Variants in FBXL20 observed in about 807,000 individuals in gnomAD.
FBXL20 encodes the protein F-box and leucine rich repeat protein 20.
FBXL20 carries 11 observed loss-of-function variants against 64.0 expected under a neutral mutation model. The observed-to-expected ratio is 0.17, with a 90% confidence interval of 0.11 to 0.28. The LOEUF is 0.28. Ranked by LOEUF, FBXL20 falls within the 10% of genes least tolerant of loss-of-function variation. The pLI, the probability that FBXL20 is intolerant of heterozygous loss-of-function variation, is 1.00. For synonymous variants in FBXL20, 184 were observed against 189.0 expected, an observed-to-expected ratio of 0.97 and a Z score of 0.22; for missense variants, 303 against 526.2, an observed-to-expected ratio of 0.58 and a Z score of 4.15.
chr17:39,345,818 G>A lies in FBXL20; in HGVS notation c.43-2577C>T, dbSNP rs1319527395. Among the ~76,000 whole-genome samples, 4 of 152,250 alleles carry A rather than the reference G, an allele frequency of 2.6e-5. No homozygotes were observed. In the East Asian group the frequency reaches 7.7e-4, roughly 29 times the overall value. On this transcript the variant is annotated intron_variant, in intron 1 of 14. Coordinates refer to ENST00000264658, the MANE Select transcript of FBXL20 (RefSeq NM_032875.3). ...AGTGTCCCAAAGTGCTAAGATTACA[G>A]GTGTGAGCTACCACACCTGGCCTAA...
chr17:39,381,225 C>T (rs928584746), intron 1 of FBXL20, among the ~76,000 whole-genome samples: 10 of 151,426 alleles, frequency 6.6e-5, no homozygotes, highest in African/African-American at 2.4e-4. Context: ...CATGCAATTC[C>T]AGCACTTTGG....
chr17:39,274,209 CCTAA>C (rs2046871394), intron 10 of FBXL20, among the ~76,000 whole-genome samples: 1 of 152,120 alleles, frequency 6.6e-6, no homozygotes, highest in African/African-American at 2.4e-5. Flanking sequence ...TAAAGCAACA[CCTAA>C]TTTACAAGTA....
intron 1 of FBXL20, among the ~76,000 whole-genome samples, chr17:39,351,819 G>A (rs1223556415): frequency 3.9e-5 from 6 of 152,160 alleles, no homozygotes; most frequent in Non-Finnish European, 7.3e-5. Context: ...AGCAGACACT[G>A]TGATAGCCAT....
intron 2 of FBXL20, among the ~76,000 whole-genome samples, chr17:39,332,335 C>T (rs112453213): frequency 2.0e-5 from 3 of 152,226 alleles, no homozygotes; most frequent in African/African-American, 7.2e-5. Flanking sequence ...ACCTAAGCCG[C>T]TGGATTTTGG....
chr17:39,336,992 G>A lies in FBXL20; in HGVS notation c.104+6188C>T, dbSNP rs1427154400. ...CTCCTCTCCCTCTCCCTCTCCCCAC[G>A]GTCTTCCTCTCCCTCTCTTTCCACC... On this transcript the variant is annotated intron_variant, in intron 2 of 14. Coordinates refer to ENST00000264658, the MANE Select transcript of FBXL20 (RefSeq NM_032875.3). Among the ~76,000 whole-genome samples the A allele has an allele frequency of 4.0e-5, 6 of 151,402 alleles. No homozygotes were observed. The South Asian group carries it at 6.3e-4, about 16-fold the overall frequency.
At chr17:39,358,587 C>T (rs2047764258) in intron 1 of FBXL20, among the ~76,000 whole-genome samples, 1 of 152,002 alleles carries the variant, frequency 6.6e-6, no homozygotes. Context: ...GAGGCTAAGG[C>T]AGGAGAATCA....
chr17:39,389,276 A>G (rs1311616836), intron 1 of FBXL20, among the ~76,000 whole-genome samples: 1 of 152,160 alleles, frequency 6.6e-6, no homozygotes, highest in Non-Finnish European at 1.5e-5. Context: ...AAAAGTTTTA[A>G]CCAGTCCTAG....
intron 9 of FBXL20, among the ~76,000 whole-genome samples, chr17:39,275,557 G>C (rs1183438914): frequency 1.3e-5 from 2 of 151,702 alleles, no homozygotes; most frequent in Non-Finnish European, 2.9e-5. Context: ...GACTACAAGT[G>C]CACGCCACCA....
At chr17:39,286,711 T>C (rs1171057091) in intron 6 of FBXL20, among the ~76,000 whole-genome samples, 1 of 151,500 alleles carries the variant, frequency 6.6e-6, no homozygotes, top group Non-Finnish European at 1.5e-5. Flanking sequence ...GGCAGAAGAA[T>C]GGCTTGAGCC....
At chr17:39,386,155 AAC>A (rs949970186) in intron 1 of FBXL20, among the ~76,000 whole-genome samples, 56 of 151,394 alleles carry the variant, frequency 3.7e-4, no homozygotes, top group African/African-American at 1.3e-3. Flanking sequence ...TACCATGGCT[AAC>A]ACAGTGAAAC....
At position 39,311,120 on chromosome 17, in the gene FBXL20, T is replaced by C. The variant is rs1380302763; in HGVS notation, c.105-7481A>G. 3.3e-5 allele frequency among the ~76,000 whole-genome samples: 5 copies of C among 152,116 alleles called. No individual in the cohort carries two copies. In the East Asian group the frequency reaches 7.7e-4, roughly 23 times the overall value. ...AGTACGAGGTTGCAGTGAGCTATGATTATGCCACTGCACTCTGGCCTGGAC... is the reference window on the plus strand; with the variant it reads ...AGTACGAGGTTGCAGTGAGCTATGACTATGCCACTGCACTCTGGCCTGGAC... On this transcript the variant is annotated intron_variant, in intron 2 of 14. Coordinates refer to ENST00000264658, the MANE Select transcript of FBXL20 (RefSeq NM_032875.3).
chr17:39,305,961 T>TG (rs1398574174), intron 2 of FBXL20, among the ~76,000 whole-genome samples: 1 of 151,198 alleles, frequency 6.6e-6, no homozygotes, highest in Non-Finnish European at 1.5e-5. Flanking sequence ...TACTCCAGCC[T>TG]GGGAGACAAG....
chr17:39,259,383 T>C lies in FBXL20; in HGVS notation c.*2077A>G, dbSNP rs1446061906. 6.6e-6 allele frequency: 1 copy of C among 152,166 alleles called. No individual in the cohort carries two copies. The highest frequency in any genetic ancestry group is 2.4e-5 in the African/African-American group (1 of 41,432). The allele number at this position is 152,166 out of a possible 1,614,324, so 9.4% of individuals were successfully genotyped here. Reference sequence around the variant, plus strand: ...TATAGAAGATTAATATTATGATGGATTGCACATTAATGTCTCAAAGGACAC... The same window carrying C: ...TATAGAAGATTAATATTATGATGGACTGCACATTAATGTCTCAAAGGACAC... On this transcript the variant is annotated 3_prime_UTR_variant, in exon 15 of 15. Coordinates refer to ENST00000264658, the MANE Select transcript of FBXL20 (RefSeq NM_032875.3).
intron 1 of FBXL20, among the ~76,000 whole-genome samples, chr17:39,391,687 T>C (rs922426798): frequency 6.6e-6 from 1 of 152,046 alleles, no homozygotes; most frequent in African/African-American, 2.4e-5. Context: ...AATAATAACA[T>C]CAAAAGATAT....
chr17:39,397,200 C>G (rs932293031), intron 1 of FBXL20, among the ~76,000 whole-genome samples: 1 of 152,060 alleles, frequency 6.6e-6, no homozygotes, highest in Non-Finnish European at 1.5e-5. Context: ...GCCACCATGC[C>G]CAGCCAGATT....
chr17:39,273,755 G>A lies in FBXL20; in HGVS notation c.827+1215C>T, dbSNP rs376658864. 2.0e-5 allele frequency among the ~76,000 whole-genome samples: 3 copies of A among 151,708 alleles called. No individual in the cohort carries two copies. In the South Asian group the frequency reaches 6.3e-4, roughly 32 times the overall value. The stretch of plus-strand genomic sequence containing the variant: ...TAATCGCTTGAACCCAGGAGACGGA[G>A]GTTGCAGTGAGCCGAGATCGCGCCA... On this transcript the variant is annotated intron_variant, in intron 10 of 14. Coordinates refer to ENST00000264658, the MANE Select transcript of FBXL20 (RefSeq NM_032875.3).
chr17:39,335,023 A>G (rs2047506788), intron 2 of FBXL20, among the ~76,000 whole-genome samples: 1 of 152,096 alleles, frequency 6.6e-6, no homozygotes, highest in Non-Finnish European at 1.5e-5. Context: ...GAGTCCTTTA[A>G]AATTAACTGC....
Position 39,264,334 on chromosome 17 carries a change from A to G in FBXL20, c.1044T>C (p.Asn348=). The change falls in exon 14 of 15, where the codon AAT becomes AAC. Residue 348 remains asparagine (N), a synonymous_variant. Transcript: ENST00000264658. The part of the protein sequence containing the change: ...ITDDGIRHLG[N]GACAHDQLEV... ...CCAGCTGGTCATGGGCGCAGGCCCC[A>G]TTCCCCAGGTGACGAATTCCATCAT... 1 of 1,614,088 alleles carries G rather than the reference A, an allele frequency of 6.2e-7. No homozygotes were observed. Among genetic ancestry groups the G allele is most frequent in the Non-Finnish European group, 8.5e-7 (1 of 1,180,040 alleles).
chr17:39,358,707 C>CAAAAAAA (rs2047765744), intron 1 of FBXL20, among the ~76,000 whole-genome samples: 2 of 150,904 alleles, frequency 1.3e-5, no homozygotes, highest in South Asian at 4.2e-4. Context: ...AACAAAAAAA[C>CAAAAAAA]AAACAAAAAA....
Sources: allele counts gnomAD v4.1 joint callset (sites outside exome capture counted in the v4.1 genomes callset), GRCh38; gene constraint gnomAD v4.1.1; transcripts MANE v1.5; gene names NCBI Gene and HGNC (gene_info 2026-07-23, HGNC 2026-07-21).